The following RHD variants were observed in gnomAD, a reference collection of about 807,000 sequenced individuals.
RHD encodes Rh blood group D antigen.
Under a neutral mutation model 45.5 loss-of-function variants are expected in RHD, and 16 were observed. The observed-to-expected ratio is 0.35, with a 90% CI of 0.24 to 0.53. RHD has a LOEUF of 0.53. Ranked by LOEUF, RHD falls within the 20% of genes least tolerant of loss-of-function variation. RHD has a pLI of 0.92. For synonymous variants in RHD, 131 were observed against 217.5 expected (o/e 0.60, Z 3.50); for missense variants, 306 against 532.0 (o/e 0.58, Z 4.18).
chr1:25,283,009 A>ATC lies in RHD; in HGVS notation c.149-1553_149-1552dup, dbSNP rs1030775589. Among the ~76,000 whole-genome samples, 5 of 132,922 alleles carry ATC rather than the reference A, an allele frequency of 3.8e-5. 1 individual carries two copies. In the South Asian group the frequency reaches 9.1e-4, roughly 24 times the overall value. 87.2% of individuals were successfully genotyped at this position (132,922 alleles called of 152,430 possible). ...AATGACGGAAAAAAAATTCTTCAAG[A>ATC]TCTCTCTCTCTCCAGTCATTTATTC... On this transcript the variant is annotated intron_variant, in intron 1 of 9. Coordinates refer to ENST00000328664, the MANE Select transcript of RHD (RefSeq NM_016124.6).
intron 7 of RHD, among the ~76,000 whole-genome samples, chr1:25,314,152 G>A (rs1644305762): frequency 7.5e-6 from 1 of 132,830 alleles, no homozygotes; most frequent in Non-Finnish European, 1.8e-5. Context: ...AGCTTTAGTG[G>A]CTACTGCTAA....
Position 25,300,933 on chromosome 1 carries a change from G to A in RHD, c.487-13G>A. On this transcript the variant is annotated splice_polypyrimidine_tract_variant and intron_variant, in intron 3 of 9. Transcript: ENST00000328664. Reference sequence around the variant, plus strand: ...ATGCCGACACTCACTGCTCTTACTGGGTTTTATTGCAGACAGACTACCACA... The same window carrying A: ...ATGCCGACACTCACTGCTCTTACTGAGTTTTATTGCAGACAGACTACCACA... 2 of 1,377,146 alleles carry A rather than the reference G, an allele frequency of 1.5e-6. 1 individual carries two copies. The highest frequency in any genetic ancestry group is 2.0e-6 in the Non-Finnish European group (2 of 977,470). The allele number at this position is 1,377,146 out of a possible 1,614,324, so 85.3% of individuals were successfully genotyped here. A position where few individuals can be genotyped will look rare whatever the true frequency, so the allele number is the denominator to read the frequency against.
At chr1:25,312,946 A>C (rs983807753) in intron 7 of RHD, among the ~76,000 whole-genome samples, 2 of 109,510 alleles carry the variant, frequency 1.8e-5, no homozygotes, top group East Asian at 2.1e-4. Flanking sequence ...AAAAAAAAAA[A>C]AAAAAAAAAC....
rs1353969839 is a variant in RHD, at chr1:25,276,737, T to A, written c.148+4042T>A. Among the ~76,000 whole-genome samples, 3 of 127,826 alleles carry A rather than the reference T, an allele frequency of 2.3e-5. 1 individual carries two copies. Among genetic ancestry groups the A allele is most frequent in the African/African-American group, 8.0e-5 (3 of 37,412 alleles). The allele number at this position is 127,826 out of a possible 152,430, so 83.9% of individuals were successfully genotyped here. On this transcript the variant is annotated intron_variant, in intron 1 of 9. Coordinates refer to ENST00000328664, the MANE Select transcript of RHD (RefSeq NM_016124.6). ...TCAAAAAAAATAAAAATATTTGAGG[T>A]GAAGCGAGGCTGTAATAACAAATTT...
chr1:25,306,996 C>CA, intron 7 of RHD: 1 of 407,598 alleles, frequency 2.5e-6, no homozygotes, highest in Non-Finnish European at 5.1e-6. Context: ...CCCACAAACA[C>CA]AGAGCAGGTC....
chr1:25,318,167 A>T lies in RHD; in HGVS notation c.1153+1088A>T, dbSNP rs1301569755. ...TGAAACCCCATCTCTACTAAAAATTAAAAAATAAGCCAGGCGTGGTGTTGG... is the reference window on the plus strand; with the variant it reads ...TGAAACCCCATCTCTACTAAAAATTTAAAAATAAGCCAGGCGTGGTGTTGG... On this transcript the variant is annotated intron_variant, in intron 8 of 9. Coordinates refer to ENST00000328664, the MANE Select transcript of RHD (RefSeq NM_016124.6). 6 of 130,658 alleles carry T rather than the reference A, an allele frequency of 4.6e-5. 1 individual carries two copies. Among genetic ancestry groups the T allele is most frequent in the African/African-American group, 1.0e-4 (4 of 38,236 alleles). The allele number at this position is 130,658 out of a possible 1,614,324, so 8.1% of individuals were successfully genotyped here.
rs1247665227 is a variant in RHD at position 25,312,190 on chromosome 1, T to C, written c.1074-4810T>C. Among the ~76,000 whole-genome samples, 9 of 95,830 alleles carry C rather than the reference T, an allele frequency of 9.4e-5. No homozygotes were observed. The East Asian group carries it at 1.9e-3, about 20-fold the overall frequency. The allele number at this position is 95,830 out of a possible 152,430, so 62.9% of individuals were successfully genotyped here. The stretch of plus-strand genomic sequence containing the variant: ...CATTCTGAAGGTTTAAGGTTTAATG[T>C]TGTTTTCTATGTTGGGTTTTGTACT... On this transcript the variant is annotated intron_variant, in intron 7 of 9. Transcript: ENST00000328664.
intron 1 of RHD, among the ~76,000 whole-genome samples, chr1:25,283,016 TCTCTCCA>T (rs1398764805): frequency 7.5e-6 from 1 of 133,204 alleles, no homozygotes; most frequent in Non-Finnish European, 1.8e-5. Flanking sequence ...AAGATCTCTC[TCTCTCCA>T]GTCATTTATT....
chr1:25,306,514 G>A lies in RHD; in HGVS notation c.940-82G>A, dbSNP rs777119113. 22 of 1,268,006 alleles carry A rather than the reference G, an allele frequency of 1.7e-5. 4 individuals carry two copies. Among genetic ancestry groups the A allele is most frequent in the South Asian group, 6.0e-5 (5 of 82,910 alleles). The allele number at this position is 1,268,006 out of a possible 1,614,324, so 78.5% of individuals were successfully genotyped here. A position where few individuals can be genotyped will look rare whatever the true frequency, so the allele number is the denominator to read the frequency against. On this transcript the variant is annotated intron_variant, in intron 6 of 9. Coordinates refer to ENST00000328664, the MANE Select transcript of RHD (RefSeq NM_016124.6). Reference sequence around the variant, plus strand: ...GTGCCCATCCCCCTTTGGTGGCCCCGGATACCAAGGGTGTGTGAAAGGGGT... The same window carrying A: ...GTGCCCATCCCCCTTTGGTGGCCCCAGATACCAAGGGTGTGTGAAAGGGGT...
In RHD at chr1:25,292,566, G is replaced by A. The variant is rs1642603649; in HGVS notation, c.486+1775G>A. Among the ~76,000 whole-genome samples, 2 of 130,766 alleles carry A rather than the reference G, an allele frequency of 1.5e-5. 1 individual carries two copies. Among genetic ancestry groups the A allele is most frequent in the Non-Finnish European group, 3.6e-5 (2 of 55,162 alleles). The allele number at this position is 130,766 out of a possible 152,430, so 85.8% of individuals were successfully genotyped here. A position where few individuals can be genotyped will look rare whatever the true frequency, so the allele number is the denominator to read the frequency against. On this transcript the variant is annotated intron_variant, in intron 3 of 9. Transcript: ENST00000328664. ...AGCGGCTGCTGGTGCCATTTACTGA[G>A]ATGGGGAATGTTGGGGTGGGATAGA...
chr1:25,312,096 G>A lies in RHD; in HGVS notation c.1074-4904G>A, dbSNP rs552298098. ...AGAACCCAGCAAAACCACAGGGGCA[G>A]AGCTCCCCGAAGCTTCGGGGGTCCA... On this transcript the variant is annotated intron_variant, in intron 7 of 9. Coordinates refer to ENST00000328664, the MANE Select transcript of RHD (RefSeq NM_016124.6). 1.0e-4 allele frequency among the ~76,000 whole-genome samples: 10 copies of A among 98,974 alleles called. No individual in the cohort carries two copies. In the South Asian group the frequency reaches 3.2e-3, roughly 32 times the overall value. 64.9% of individuals were successfully genotyped at this position (98,974 alleles called of 152,430 possible).
chr1:25,285,355 A>G (rs1022113589), intron 2 of RHD, among the ~76,000 whole-genome samples: 1 of 134,228 alleles, frequency 7.5e-6, no homozygotes. Flanking sequence ...GCTAGTCTCA[A>G]ACTCCTGACC....
chr1:25,321,822 C>T lies in RHD; in HGVS notation c.1154-67C>T, dbSNP rs45600436. On this transcript the variant is annotated intron_variant, in intron 8 of 9. Coordinates refer to ENST00000328664, the MANE Select transcript of RHD (RefSeq NM_016124.6). Reference sequence around the variant, plus strand: ...ACTGTCGTTTTGACACACAATATTTCGATTAATCTTGAGATTAAAAATCCT... The same window carrying T: ...ACTGTCGTTTTGACACACAATATTTTGATTAATCTTGAGATTAAAAATCCT... 10 of 811,706 alleles carry T rather than the reference C, an allele frequency of 1.2e-5. 2 individuals carry two copies. The highest frequency in any genetic ancestry group is 2.1e-5 in the Non-Finnish European group (10 of 484,674). 50.3% of individuals were successfully genotyped at this position (811,706 alleles called of 1,614,324 possible). A position where few individuals can be genotyped will look rare whatever the true frequency, so the allele number is the denominator to read the frequency against.
Position 25,301,556 on chromosome 1 carries a change from A to C in RHD, c.671A>C (p.Asn224Thr), listed in dbSNP as rs756129923. ...LFLWMFWPSF[N>T]SALLRSPIER... ...TTGTGGATGTTCTGGCCAAGTTTCAACTCTGCTCTGCTGAGAAGTCCAATC... is the reference window on the plus strand; with the variant it reads ...TTGTGGATGTTCTGGCCAAGTTTCACCTCTGCTCTGCTGAGAAGTCCAATC... The change falls in exon 5 of 10, where the codon AAC becomes ACC. Residue 224 changes from asparagine to threonine, a missense_variant. Transcript: ENST00000328664. 12 of 1,378,650 alleles carry C rather than the reference A, an allele frequency of 8.7e-6. 2 individuals carry two copies. The highest frequency in any genetic ancestry group is 1.4e-5 in the African/African-American group (1 of 70,042). The allele number at this position is 1,378,650 out of a possible 1,614,324, so 85.4% of individuals were successfully genotyped here. A position where few individuals can be genotyped will look rare whatever the true frequency, so the allele number is the denominator to read the frequency against.
In RHD at chr1:25,283,931, C is replaced by A. The variant is rs1351720895; in HGVS notation, c.149-642C>A. ...AGGTGCGTCTCTTCCACTCACCTGC[C>A]ACAGCAGCCTCTGCTCAGGGTCTGA... On this transcript the variant is annotated intron_variant, in intron 1 of 9. Transcript: ENST00000328664. Among the ~76,000 whole-genome samples the A allele has an allele frequency of 1.5e-5, 2 of 134,352 alleles. 1 individual carries two copies. The highest frequency in any genetic ancestry group is 5.2e-5 in the African/African-American group (2 of 38,192). The allele number at this position is 134,352 out of a possible 152,430, so 88.1% of individuals were successfully genotyped here. A position where few individuals can be genotyped will look rare whatever the true frequency, so the allele number is the denominator to read the frequency against.
Position 25,315,172 on chromosome 1 carries a change from G to C in RHD, c.1074-1828G>C, listed in dbSNP as rs1243714151. Among the ~76,000 whole-genome samples, 3 of 129,214 alleles carry C rather than the reference G, an allele frequency of 2.3e-5. 1 individual carries two copies. Among genetic ancestry groups the C allele is most frequent in the African/African-American group, 8.0e-5 (3 of 37,328 alleles). The allele number at this position is 129,214 out of a possible 152,430, so 84.8% of individuals were successfully genotyped here. A position where few individuals can be genotyped will look rare whatever the true frequency, so the allele number is the denominator to read the frequency against. ...TCCATCTCAAAAAAAAATTTTTTTT[G>C]CAAGGTCATGCATATGTCCCCCTGA... On this transcript the variant is annotated intron_variant, in intron 7 of 9. Transcript: ENST00000328664.
At chr1:25,314,409 T>G (rs1644324880) in intron 7 of RHD, among the ~76,000 whole-genome samples, 1 of 133,242 alleles carries the variant, frequency 7.5e-6, no homozygotes, top group Non-Finnish European at 1.8e-5. Flanking sequence ...CATTTTCTAT[T>G]GTGGTGTTCT....
Position 25,320,889 on chromosome 1 carries a change from A to C in RHD, c.1154-1000A>C, listed in dbSNP as rs1644660957. ...AAGTCCTGTCTCTGCAAAAAATACC[A>C]AAAACTGAGCTGGATATGGTAGCAC... On this transcript the variant is annotated intron_variant, in intron 8 of 9. Transcript: ENST00000328664. Among the ~76,000 whole-genome samples, 10 of 130,324 alleles carry C rather than the reference A, an allele frequency of 7.7e-5. 4 individuals are homozygous for C. The South Asian group carries it at 2.4e-3, about 31-fold the overall frequency. The allele number at this position is 130,324 out of a possible 152,430, so 85.5% of individuals were successfully genotyped here. A position where few individuals can be genotyped will look rare whatever the true frequency, so the allele number is the denominator to read the frequency against.
chr1:25,305,456 G>A (rs1400829303), intron 6 of RHD, among the ~76,000 whole-genome samples: 1 of 90,768 alleles, frequency 1.1e-5, no homozygotes, highest in African/African-American at 3.4e-5. Flanking sequence ...GAGTGCAGTG[G>A]TGCAATCTCA....
Sources: allele counts gnomAD v4.1 joint callset (sites outside exome capture counted in the v4.1 genomes callset), GRCh38; gene constraint gnomAD v4.1.1; transcripts MANE v1.5; gene names NCBI Gene and HGNC (gene_info 2026-07-23, HGNC 2026-07-21).